DCDC2C: variants seen among roughly 807,000 people sequenced by gnomAD.
The protein encoded by DCDC2C is doublecortin domain containing 2C, also known as doublecortin domain-containing protein 2C.
DCDC2C carries 44 observed loss-of-function variants against 45.0 expected under a neutral mutation model. That is an observed-to-expected ratio of 0.98 (90% CI 0.77 to 1.26). The LOEUF (loss-of-function observed/expected upper bound fraction) is 1.26, where lower values mean the gene tolerates loss of function less well. Among genes scored for constraint, DCDC2C ranks in the 50% most tolerant of loss-of-function variants. The probability of loss-of-function intolerance (pLI) is 0.00; values close to 1 mark genes in which losing one functional copy is unlikely to be tolerated. For missense variants in DCDC2C, 447 were observed against 468.9 expected (o/e 0.95, Z 0.43); for synonymous variants, 187 against 178.8 (o/e 1.05, Z -0.37).
chr2:3,717,381 G>T (rs1191811555), intron 2 of DCDC2C, among the ~76,000 whole-genome samples: 1 of 152,072 alleles, frequency 6.6e-6, no homozygotes, highest in Non-Finnish European at 1.5e-5. Flanking sequence ...AGATGGAACT[G>T]CCCACCCAGC....
At chr2:3,799,476 G>A (rs1330933737) in intron 10 of DCDC2C, among the ~76,000 whole-genome samples, 1 of 148,906 alleles carries the variant, frequency 6.7e-6, no homozygotes, top group African/African-American at 2.5e-5. Context: ...TTTCTGCTCT[G>A]TTTTTTCCCC....
chr2:3,780,493 T>A (rs1229144418), intron 9 of DCDC2C, among the ~76,000 whole-genome samples: 1 of 152,184 alleles, frequency 6.6e-6, no homozygotes, highest in Non-Finnish European at 1.5e-5. Context: ...AATCAAAATG[T>A]CTTTCTTAAT....
At chr2:3,776,913 C>A (rs749610105) in intron 8 of DCDC2C, among the ~76,000 whole-genome samples, 14 of 152,188 alleles carry the variant, frequency 9.2e-5, no homozygotes, top group Non-Finnish European at 1.6e-4. Context: ...AGAGGTATTC[C>A]TGAGAGTGAC....
At chr2:3,760,760 A>G (rs1190805610) in intron 6 of DCDC2C, among the ~76,000 whole-genome samples, 2 of 152,048 alleles carry the variant, frequency 1.3e-5, no homozygotes, top group Admixed American at 1.3e-4. Context: ...ATGGGTTGAT[A>G]GGTGCAGCAA....
At chr2:3,825,112 C>T (rs1006873788) in intron 10 of DCDC2C, among the ~76,000 whole-genome samples, 1 of 152,190 alleles carries the variant, frequency 6.6e-6, no homozygotes, top group Non-Finnish European at 1.5e-5. Context: ...GGGCTCCTTT[C>T]CAGCCTTGCA....
intron 10 of DCDC2C, among the ~76,000 whole-genome samples, chr2:3,825,726 TG>T (rs1397462360): frequency 1.3e-5 from 2 of 152,046 alleles, no homozygotes; most frequent in African/African-American, 4.8e-5. Flanking sequence ...GTGGGGATCC[TG>T]GGGGCTTCAT....
intron 10 of DCDC2C, among the ~76,000 whole-genome samples, chr2:3,822,880 T>C (rs11675756): frequency 0.28 from 42,061 of 151,908 alleles, 6,041 homozygotes; most frequent in South Asian, 0.37. Context: ...GTCTTTCCCA[T>C]GCTGATCTTG....
At chr2:3,704,709 AG>A (rs577775194) in intron 1 of DCDC2C, among the ~76,000 whole-genome samples, 15 of 22,592 alleles carry the variant, frequency 6.6e-4, no homozygotes, top group African/African-American at 2.9e-3. Flanking sequence ...GGGGAGGGGG[AG>A]GGGGGAGGGG....
chr2:3,845,080 G>T (rs1312312447), intron 10 of DCDC2C, among the ~76,000 whole-genome samples: 2 of 152,048 alleles, frequency 1.3e-5, no homozygotes, highest in African/African-American at 4.8e-5. Flanking sequence ...GTACATTTTT[G>T]GTGGCTAAGC....
At chr2:3,803,715 C>T (rs1025423191) in intron 10 of DCDC2C, among the ~76,000 whole-genome samples, 4 of 152,184 alleles carry the variant, frequency 2.6e-5, no homozygotes, top group Non-Finnish European at 4.4e-5. Context: ...CTCAGGCCCT[C>T]GAGGCCTGAG....
intron 8 of DCDC2C, among the ~76,000 whole-genome samples, chr2:3,777,320 C>G (rs1054804242): frequency 6.6e-6 from 1 of 152,184 alleles, no homozygotes; most frequent in Non-Finnish European, 1.5e-5. Context: ...TAGCACCTGT[C>G]ACAGTTGTTT....
At chr2:3,804,981 T>C (rs760270916) in intron 10 of DCDC2C, among the ~76,000 whole-genome samples, 1 of 152,250 alleles carries the variant, frequency 6.6e-6, no homozygotes, top group East Asian at 1.9e-4. Context: ...TGAACACTGA[T>C]GTATGTAGCA....
chr2:3,777,115 G>A (rs756992236), intron 8 of DCDC2C, among the ~76,000 whole-genome samples: 24 of 152,184 alleles, frequency 1.6e-4, no homozygotes, highest in Admixed American at 2.6e-4. Context: ...GAAGCTCAGC[G>A]CTTCTTCCTG....
intron 7 of DCDC2C, 146 bp downstream of exon 7, chr2:3,768,026 T>C (rs1469056941): frequency 2.1e-6 from 2 of 975,100 alleles, no homozygotes; most frequent in African/African-American, 3.4e-5. Flanking sequence ...AGGTTCAGCT[T>C]GTAGGTAGTT....
intron 10 of DCDC2C, among the ~76,000 whole-genome samples, chr2:3,823,170 G>C (rs1027993623): frequency 6.6e-6 from 1 of 152,042 alleles, no homozygotes; most frequent in Admixed American, 6.5e-5. Context: ...AAATTTTATT[G>C]TGTTTTAGTT....
intron 3 of DCDC2C, among the ~76,000 whole-genome samples, 178 bp downstream of exon 3, chr2:3,727,257 C>T (rs1210341911): frequency 6.6e-6 from 1 of 151,678 alleles, no homozygotes; most frequent in East Asian, 1.9e-4. Context: ...ACCACCTTCT[C>T]TCTGATTCAG....
chr2:3,837,097 C>A (rs573952229), intron 10 of DCDC2C, among the ~76,000 whole-genome samples: 1 of 152,264 alleles, frequency 6.6e-6, no homozygotes, highest in Admixed American at 6.5e-5. Context: ...TTGGGGCCCT[C>A]CTGCTGGACC....
At chr2:3,729,177 G>A (rs897542166) in intron 3 of DCDC2C, among the ~76,000 whole-genome samples, 2 of 152,146 alleles carry the variant, frequency 1.3e-5, no homozygotes, top group African/African-American at 4.8e-5. Flanking sequence ...GGCAAAAGTT[G>A]TCTGGGCCCT....
intron 2 of DCDC2C, among the ~76,000 whole-genome samples, chr2:3,713,637 AC>A (rs1371391755): frequency 6.6e-6 from 1 of 152,206 alleles, no homozygotes; most frequent in Non-Finnish European, 1.5e-5. Context: ...AAGGATGTTT[AC>A]AGTAGCATTT....
Sources: gnomAD v4.1 joint callset for allele counts (sites outside exome capture counted in the v4.1 genomes callset) on GRCh38, gnomAD v4.1.1 for gene constraint, MANE v1.5 for transcripts, NCBI Gene and HGNC (gene_info 2026-07-23, HGNC 2026-07-21) for gene names.